Variants in C6orf58 observed in about 807,000 individuals in gnomAD.
C6orf58 encodes the protein protein LEG1 homolog.
C6orf58 carries 30 observed loss-of-function variants against 37.0 expected under a neutral mutation model. The ratio of observed to expected loss-of-function variants is 0.81; its 90% CI spans 0.61 to 1.10. The LOEUF is 1.10. Ranked by LOEUF, C6orf58 falls within the 50% of genes least tolerant of loss-of-function variation. The pLI is 0.00. For missense variants in C6orf58, 368 were observed against 387.5 expected (o/e 0.95, Z 0.42); for synonymous variants, 143 against 134.1 (o/e 1.07, Z -0.46).
intron 2 of C6orf58, among the ~76,000 whole-genome samples, chr6:127,579,629 C>T (rs1460719401): frequency 6.6e-6 from 1 of 151,914 alleles, no homozygotes; most frequent in East Asian, 1.9e-4. Flanking sequence ...AGCCTAATAT[C>T]CAACTAATGA....
Position 127,590,211 on chromosome 6 carries a change from C to A in C6orf58, c.799C>A (p.Pro267Thr), listed in dbSNP as rs1775147650. 1.2e-6 allele frequency: 2 copies of A among 1,613,630 alleles called. No individual in the cohort carries two copies. The highest frequency in any genetic ancestry group is 1.7e-6 in the Non-Finnish European group (2 of 1,179,642). Residue 267 changes from proline to threonine, a missense_variant, in exon 5 of 6, where the codon CCA (proline) becomes ACA (threonine). Transcript: ENST00000329722. ...ATCATATAAGTTCCAGAAGGGCATG[C>A]CACCACGAATTCTTCTTAATACTGA... The part of the protein sequence containing the change: ...IRSYKFQKGM[P>T]PRILLNTDVA...
chr6:127,585,338 A>G (rs1024912703), intron 4 of C6orf58, among the ~76,000 whole-genome samples: 1 of 152,226 alleles, frequency 6.6e-6, no homozygotes, highest in African/African-American at 2.4e-5. Flanking sequence ...AAGCTTGCCA[A>G]AAATATCAAA....
rs1775149380 is a variant in C6orf58, at chr6:127,590,322, A to G, written c.910A>G (p.Ile304Val). 6.4e-7 allele frequency: 1 copy of G among 1,572,646 alleles called. No homozygotes were observed. The highest frequency in any genetic ancestry group is 8.7e-7 in the Non-Finnish European group (1 of 1,146,762). ...LNMLDNVDKS[I>V]GYLCTEKSNV... ...TATGCTTGACAATGTGGATAAATCT[A>G]TAGGTAAGAACCTTAAAAGGATACT... is the stretch of plus-strand genomic sequence containing the variant. Residue 304 changes from isoleucine (I) to valine (V), a missense_variant, in exon 5 of 6, where the codon ATA (isoleucine) becomes GTA (valine). Ile to Val is a conservative substitution (Grantham distance 29). Coordinates refer to ENST00000329722, the MANE Select transcript of C6orf58 (RefSeq NM_001010905.3).
chr6:127,581,286 A>G lies in C6orf58; in HGVS notation c.674+4A>G, dbSNP rs1428559847. On this transcript the variant is annotated splice_donor_region_variant and intron_variant, in intron 4 of 5. Transcript: ENST00000329722. ...ATATCAAAAGTTTTGAAGACAGGTA[A>G]GAATGAATCTTTAAAGTATCTCTAT... 12 of 1,367,456 alleles carry G rather than the reference A, an allele frequency of 8.8e-6. No individual in the cohort carries two copies. The highest frequency in any genetic ancestry group is 1.2e-5 in the Non-Finnish European group (12 of 995,900). 84.7% of individuals were successfully genotyped at this position (1,367,456 alleles called of 1,614,324 possible).
At chr6:127,579,805 A>G (rs981696466) in intron 2 of C6orf58, among the ~76,000 whole-genome samples, 3 of 152,112 alleles carry the variant, frequency 2.0e-5, no homozygotes, top group African/African-American at 7.2e-5. Flanking sequence ...ATGATTACAA[A>G]TTAAACTTAT....
chr6:127,585,237 T>C (rs1218778141), intron 4 of C6orf58, among the ~76,000 whole-genome samples: 4 of 152,226 alleles, frequency 2.6e-5, no homozygotes. Context: ...AGGACGGATA[T>C]CCTTTTGAGA....
At position 127,581,133 on chromosome 6, in the gene C6orf58, G is replaced by A. The variant is rs779502876; in HGVS notation, c.574-49G>A. 8 of 834,240 alleles carry A rather than the reference G, an allele frequency of 9.6e-6. No individual in the cohort carries two copies. In the African/African-American group the frequency reaches 1.4e-4, roughly 15 times the overall value. 51.7% of individuals were successfully genotyped at this position (834,240 alleles called of 1,614,324 possible). A position where few individuals can be genotyped will look rare whatever the true frequency, so the allele number is the denominator to read the frequency against. On this transcript the variant is annotated intron_variant, in intron 3 of 5. Transcript: ENST00000329722. Reference sequence around the variant, plus strand: ...GAACATGACTAAATTTCAGGGAGAAGGATTTTATAGTTGCTCAAATATTAA... The same window carrying A: ...GAACATGACTAAATTTCAGGGAGAAAGATTTTATAGTTGCTCAAATATTAA...
Position 127,590,250 on chromosome 6 carries a change from A to G in C6orf58, c.838A>G (p.Ile280Val). The G allele has an allele frequency of 6.2e-7, 1 of 1,613,758 alleles. No homozygotes were observed. Among genetic ancestry groups the G allele is most frequent in the South Asian group, 1.1e-5 (1 of 91,074 alleles). The change falls in exon 5 of 6, where the codon ATC becomes GTC. Residue 280 changes from isoleucine to valine, a missense_variant. By Grantham distance (29) the Ile-to-Val change is conservative (BLOSUM62 3). Transcript: ENST00000329722. ...ILLNTDVAPF[I>V]SDFTAFQNVV... ...TCTTAATACTGATGTAGCCCCTTTC[A>G]TCAGTGACTTTACTGCTTTTCAGAA... is the stretch of plus-strand genomic sequence containing the variant.
intron 5 of C6orf58, among the ~76,000 whole-genome samples, chr6:127,591,329 A>T (rs949492569): frequency 3.3e-5 from 5 of 152,182 alleles, no homozygotes; most frequent in Admixed American, 1.3e-4. Flanking sequence ...CATAGAAAGA[A>T]CGTGAAGTAA....
At chr6:127,589,536 G>C (rs1229756391) in intron 4 of C6orf58, among the ~76,000 whole-genome samples, 1 of 152,114 alleles carries the variant, frequency 6.6e-6, no homozygotes, top group East Asian at 1.9e-4. Context: ...AGTTACAGAG[G>C]CTTTTCTAAT....
chr6:127,590,367 T>G (rs1775149856), intron 5 of C6orf58, 42 bp downstream of exon 5: 6 of 1,190,074 alleles, frequency 5.0e-6, no homozygotes, highest in Non-Finnish European at 7.3e-6. Flanking sequence ...CAGTATTATG[T>G]TGAACAAATA....
In C6orf58 at chr6:127,577,259, T is replaced by G. The variant is rs763596407; in HGVS notation, c.74T>G (p.Leu25Arg). The change falls in exon 1 of 6, where the codon CTC becomes CGC. Residue 25 changes from leucine (L) to arginine (R), a missense_variant. Coordinates refer to ENST00000329722, the MANE Select transcript of C6orf58 (RefSeq NM_001010905.3). ...FSASLAGTSN[L>R]SETEPPLWKE... ...GCTTCCTTAGCAGGGACTTCCAATC[T>G]CTCAGAGACAGAGCCCCCTCTGTGG... is the stretch of plus-strand genomic sequence containing the variant. The G allele has an allele frequency of 4.3e-6, 7 of 1,613,510 alleles. No homozygotes were observed. The South Asian group carries it at 7.7e-5, about 18-fold the overall frequency.
intron 2 of C6orf58, 111 bp downstream of exon 2, chr6:127,578,883 A>G (rs1259519162): frequency 1.3e-6 from 1 of 794,544 alleles, no homozygotes; most frequent in Non-Finnish European, 2.1e-6. Context: ...TCCTATTTTA[A>G]AAAGGAATCT....
intron 4 of C6orf58, among the ~76,000 whole-genome samples, chr6:127,587,471 T>C (rs3057131): frequency 0.017 from 2,651 of 152,276 alleles, 76 homozygotes; most frequent in African/African-American, 0.058. Flanking sequence ...AAAAGGTAAA[T>C]CTTTTAATAT....
chr6:127,579,215 A>G (rs1046022726), intron 2 of C6orf58, among the ~76,000 whole-genome samples: 3 of 152,144 alleles, frequency 2.0e-5, no homozygotes, highest in Admixed American at 6.6e-5. Context: ...CATTATACCA[A>G]TCAGTAATCT....
chr6:127,585,800 A>T (rs1329088071), intron 4 of C6orf58, among the ~76,000 whole-genome samples: 1 of 152,078 alleles, frequency 6.6e-6, no homozygotes, highest in Admixed American at 6.5e-5. Context: ...TTTTCACAAG[A>T]TTTATCTTTC....
At position 127,591,661 on chromosome 6, in the gene C6orf58, T is replaced by G; in HGVS notation, c.*39T>G. 6.9e-7 allele frequency: 1 copy of G among 1,444,698 alleles called. No individual in the cohort carries two copies. The highest frequency in any genetic ancestry group is 9.1e-7 in the Non-Finnish European group (1 of 1,095,120). The allele number at this position is 1,444,698 out of a possible 1,614,324, so 89.5% of individuals were successfully genotyped here. A position where few individuals can be genotyped will look rare whatever the true frequency, so the allele number is the denominator to read the frequency against. On this transcript the variant is annotated 3_prime_UTR_variant, in exon 6 of 6. Coordinates refer to ENST00000329722, the MANE Select transcript of C6orf58 (RefSeq NM_001010905.3). ...AAACTTCAGGAAATGATTAATGAAT[T>G]AAAAATGAAAAACTCGAACTTGACA... is the stretch of plus-strand genomic sequence containing the variant.
intron 3 of C6orf58, 112 bp downstream of exon 3, chr6:127,580,561 T>C (rs1775038718): frequency 1.4e-6 from 1 of 712,956 alleles, no homozygotes; most frequent in Non-Finnish European, 2.4e-6. Flanking sequence ...CAGATGTAAA[T>C]TGCTATGCAT....
intron 4 of C6orf58, among the ~76,000 whole-genome samples, chr6:127,586,448 G>A (rs1775107180): frequency 1.3e-5 from 2 of 152,228 alleles, no homozygotes; most frequent in African/African-American, 4.8e-5. Context: ...CCTCCCCTGT[G>A]TAAGGTGCAA....
Sources: gnomAD v4.1 joint callset for allele counts (sites outside exome capture counted in the v4.1 genomes callset) on GRCh38, gnomAD v4.1.1 for gene constraint, MANE v1.5 for transcripts, NCBI Gene and HGNC (gene_info 2026-07-23, HGNC 2026-07-21) for gene names.